The following NEGR1 variants were observed in gnomAD, a reference collection of about 807,000 sequenced individuals.
NEGR1 encodes the protein IgLON family member 4.
A neutral mutation model predicts 40.9 loss-of-function variants in NEGR1; 10 were observed. The ratio of observed to expected loss-of-function variants is 0.24; its 90% CI spans 0.15 to 0.42. The LOEUF (loss-of-function observed/expected upper bound fraction) is 0.42, where lower values mean the gene tolerates loss of function less well. Ranked by LOEUF, NEGR1 falls within the 10% of genes least tolerant of loss-of-function variation. NEGR1 has a pLI of 1.00. For missense variants in NEGR1, 352 were observed against 438.9 expected (o/e 0.80, Z 1.77); for synonymous variants, 185 against 166.8 (o/e 1.11, Z -0.84).
At chr1:72,016,844 A>G (rs1646715218) in intron 1 of NEGR1, among the ~76,000 whole-genome samples, 1 of 152,190 alleles carries the variant, frequency 6.6e-6, no homozygotes, top group Non-Finnish European at 1.5e-5. Flanking sequence ...CCAGTTAATT[A>G]CAATTTCTGG....
Position 71,759,596 on chromosome 1 carries a change from C to CTTTTTTTTTTT in NEGR1, c.535+16565_535+16575dup. On this transcript the variant is annotated intron_variant, in intron 3 of 6. Transcript: ENST00000357731. Reference sequence around the variant, plus strand: ...ACAGGCGTGAGCCACTGCGTCCAGGCTTTTTTTTTTTTTTTTTTTTTTTTT... The same window carrying CTTTTTTTTTTT: ...ACAGGCGTGAGCCACTGCGTCCAGGCTTTTTTTTTTTTTTTTTTTTTTTTTTTTTTTTTTTT... Among the ~76,000 whole-genome samples the CTTTTTTTTTTT allele has an allele frequency of 3.9e-3, 125 of 31,956 alleles. 49 individuals carry two copies. The highest frequency in any genetic ancestry group is 0.013 in the East Asian group (12 of 934). The allele number at this position is 31,956 out of a possible 152,430, so 21.0% of individuals were successfully genotyped here.
At chr1:72,080,225 A>G (rs1368569725) in intron 1 of NEGR1, among the ~76,000 whole-genome samples, 1 of 152,122 alleles carries the variant, frequency 6.6e-6, no homozygotes, top group Non-Finnish European at 1.5e-5. Flanking sequence ...GTTTAAATAA[A>G]TATTTCATAT....
chr1:72,273,602 GC>G, intron 1 of NEGR1, among the ~76,000 whole-genome samples: 1 of 151,618 alleles, frequency 6.6e-6, no homozygotes, highest in Non-Finnish European at 1.5e-5. Context: ...ACACACACAC[GC>G]AAGTACACAC....
intron 6 of NEGR1, among the ~76,000 whole-genome samples, chr1:71,443,324 C>T (rs955974169): frequency 2.0e-5 from 3 of 152,112 alleles, no homozygotes; most frequent in Non-Finnish European, 4.4e-5. Flanking sequence ...GTGATCCTTC[C>T]GCCTCATAAC....
chr1:72,083,730 T>C (rs1463604984), intron 1 of NEGR1, among the ~76,000 whole-genome samples: 1 of 152,130 alleles, frequency 6.6e-6, no homozygotes, highest in African/African-American at 2.4e-5. Context: ...TTTTTTTTAA[T>C]GGACTTTATT....
intron 2 of NEGR1, among the ~76,000 whole-genome samples, chr1:71,799,247 A>T (rs1657462657): frequency 6.6e-6 from 1 of 151,968 alleles, no homozygotes. Flanking sequence ...CCCTGTGTCC[A>T]TGTATTCTCA....
chr1:71,549,585 C>T (rs568559951), intron 6 of NEGR1, among the ~76,000 whole-genome samples: 8 of 151,676 alleles, frequency 5.3e-5, no homozygotes, highest in South Asian at 2.1e-4. Context: ...GAGGAAACTA[C>T]GGCACAGTGC....
chr1:71,632,723 G>T (rs571564100), intron 4 of NEGR1, among the ~76,000 whole-genome samples: 1 of 151,856 alleles, frequency 6.6e-6, no homozygotes, highest in African/African-American at 2.4e-5. Flanking sequence ...ATTTATTGAG[G>T]ATTTACTGTA....
In NEGR1 at chr1:72,006,179, A is replaced by C. The variant is rs114491809; in HGVS notation, c.177-70868T>G. On this transcript the variant is annotated intron_variant, in intron 1 of 6. Coordinates refer to ENST00000357731, the MANE Select transcript of NEGR1 (RefSeq NM_173808.3). ...AAGGGTAAATTCAACTGTGAAGCAG[A>C]ATAGATTTCTATTTTCCTAATGCAC... 7.1e-3 allele frequency among the ~76,000 whole-genome samples: 1,088 copies of C among 152,312 alleles called. 12 individuals are homozygous for C. Among genetic ancestry groups the C allele is most frequent in the African/African-American group, 0.025 (1,022 of 41,564 alleles).
At chr1:71,418,425 T>C (rs2101274487) in intron 6 of NEGR1, among the ~76,000 whole-genome samples, 1 of 152,090 alleles carries the variant, frequency 6.6e-6, no homozygotes, top group Middle Eastern at 3.4e-3. Context: ...GCCATTCTCC[T>C]GCCTCAGCCT....
intron 3 of NEGR1, among the ~76,000 whole-genome samples, chr1:71,759,287 CTTTTTT>C (rs759687500): frequency 2.7e-3 from 229 of 85,186 alleles, no homozygotes; most frequent in African/African-American, 9.8e-3. Flanking sequence ...AAGATTATAA[CTTTTTT>C]TTTTTTTTTT....
chr1:71,460,991 T>G (rs1017132238), intron 6 of NEGR1, among the ~76,000 whole-genome samples: 1 of 152,210 alleles, frequency 6.6e-6, no homozygotes, highest in Non-Finnish European at 1.5e-5. Flanking sequence ...AGCTTGCTGG[T>G]CTCTGAAAAT....
At chr1:71,649,104 G>A (rs11576565) in intron 4 of NEGR1, among the ~76,000 whole-genome samples, 55,265 of 151,860 alleles carry the variant, frequency 0.36, 12,042 homozygotes, top group Middle Eastern at 0.5. Flanking sequence ...GTGTAAAAAT[G>A]TCCAGTTTTA....
chr1:72,214,313 G>C (rs1653717565), intron 1 of NEGR1, among the ~76,000 whole-genome samples: 1 of 152,072 alleles, frequency 6.6e-6, no homozygotes, highest in Admixed American at 6.6e-5. Flanking sequence ...CACAAGACAA[G>C]GATGCCCTCT....
At chr1:71,843,245 C>T (rs764039561) in intron 2 of NEGR1, among the ~76,000 whole-genome samples, 1 of 152,040 alleles carries the variant, frequency 6.6e-6, no homozygotes, top group Non-Finnish European at 1.5e-5. Flanking sequence ...AAGGCTTGTC[C>T]TATTGCACAG....
At position 71,875,391 on chromosome 1, in the gene NEGR1, A is replaced by G. The variant is rs147467153; in HGVS notation, c.409+59688T>C. 1.1e-3 allele frequency among the ~76,000 whole-genome samples: 174 copies of G among 152,294 alleles called. 1 individual carries two copies. The East Asian group carries it at 0.019, about 17-fold the overall frequency. On this transcript the variant is annotated intron_variant, in intron 2 of 6. Transcript: ENST00000357731. ...AAACTTATAACTTGGGTACAGAATGATCCTACTTCTCTCTGTAAAAGCAGA... is the reference window on the plus strand; with the variant it reads ...AAACTTATAACTTGGGTACAGAATGGTCCTACTTCTCTCTGTAAAAGCAGA...
intron 1 of NEGR1, among the ~76,000 whole-genome samples, chr1:72,094,168 C>A (rs1648608217): frequency 6.6e-6 from 1 of 151,888 alleles, no homozygotes; most frequent in South Asian, 2.1e-4. Flanking sequence ...TAGGGGAAAC[C>A]AACTTAAAAA....
Position 71,407,909 on chromosome 1 carries a change from T to A in NEGR1, c.941-339A>T, listed in dbSNP as rs1015422024. The stretch of plus-strand genomic sequence containing the variant: ...TACTAACATTATTATTCCTCTTATA[T>A]GTACTGTAAATATTTGTATTAATGG... On this transcript the variant is annotated intron_variant, in intron 6 of 6. Coordinates refer to ENST00000357731, the MANE Select transcript of NEGR1 (RefSeq NM_173808.3). 6 of 193,178 alleles carry A rather than the reference T, an allele frequency of 3.1e-5. No individual in the cohort carries two copies. The Admixed American group carries it at 3.4e-4, about 11-fold the overall frequency. The allele number at this position is 193,178 out of a possible 1,614,324, so 12.0% of individuals were successfully genotyped here.
intron 2 of NEGR1, among the ~76,000 whole-genome samples, chr1:71,792,561 A>G (rs1220295285): frequency 6.6e-6 from 1 of 152,138 alleles, no homozygotes; most frequent in Non-Finnish European, 1.5e-5. Flanking sequence ...TATTGCAAAA[A>G]CAACAGTGAC....
Sources: allele counts gnomAD v4.1 joint callset (sites outside exome capture counted in the v4.1 genomes callset), GRCh38; gene constraint gnomAD v4.1.1; transcripts MANE v1.5; gene names NCBI Gene and HGNC (gene_info 2026-07-23, HGNC 2026-07-21).